The following PRR5L variants were observed in gnomAD, a reference collection of about 807,000 sequenced individuals.
PRR5L encodes the protein proline-rich protein 5-like.
Under a neutral mutation model 36.4 loss-of-function variants are expected in PRR5L, and 21 were observed. The observed-to-expected ratio is 0.58, with a 90% CI of 0.41 to 0.83. PRR5L has a LOEUF of 0.83. Among genes scored for constraint, PRR5L ranks in the 40% least tolerant of loss-of-function variants. The pLI, the probability that PRR5L is intolerant of heterozygous loss-of-function variation, is 0.00. For missense variants in PRR5L, 381 were observed against 473.3 expected (o/e 0.80, Z 1.81); for synonymous variants, 188 against 197.0 (o/e 0.95, Z 0.38).
At chr11:36,440,308 G>A (rs1204825353) in intron 6 of PRR5L, among the ~76,000 whole-genome samples, 1 of 152,120 alleles carries the variant, frequency 6.6e-6, no homozygotes. Context: ...AAATGGTTGT[G>A]GCATGTTGCT....
intron 1 of PRR5L, among the ~76,000 whole-genome samples, chr11:36,315,166 T>C (rs942661082): frequency 6.6e-6 from 1 of 152,168 alleles, no homozygotes; most frequent in African/African-American, 2.4e-5. Flanking sequence ...CACTACACAT[T>C]AGTCTCCTCC....
intron 5 of PRR5L, among the ~76,000 whole-genome samples, chr11:36,432,163 GTT>G (rs1043073490): frequency 8.8e-4 from 7 of 7,952 alleles, no homozygotes; most frequent in African/African-American, 1.5e-3. Flanking sequence ...GTTTTTTTTT[GTT>G]TTGTTTTTGT....
At chr11:36,398,659 A>T (rs2133554217) in intron 1 of PRR5L, 1 of 152,388 alleles carries the variant, frequency 6.6e-6, no homozygotes, top group Admixed American at 6.5e-5. Context: ...TAGGCTGAAA[A>T]TGACCCTTAT....
chr11:36,435,605 A>G (rs1358726301), intron 5 of PRR5L, among the ~76,000 whole-genome samples: 3 of 152,204 alleles, frequency 2.0e-5, no homozygotes, highest in Admixed American at 6.5e-5. Flanking sequence ...TGACTGAAAG[A>G]GGGATGATTA....
intron 6 of PRR5L, among the ~76,000 whole-genome samples, chr11:36,439,785 T>C (rs937748766): frequency 2.6e-5 from 4 of 152,220 alleles, no homozygotes; most frequent in African/African-American, 9.6e-5. Flanking sequence ...TATAGTTTTA[T>C]AGGACTGTAT....
chr11:36,391,105 G>T (rs4077044), intron 1 of PRR5L, among the ~76,000 whole-genome samples: 80,179 of 151,976 alleles, frequency 0.53, 21,569 homozygotes, highest in Non-Finnish European at 0.58. Context: ...TTCCAGGCAG[G>T]CACATCAGAT....
Position 36,418,800 on chromosome 11 carries a change from A to AAAT in PRR5L, c.246-443_246-441dup, listed in dbSNP as rs1858202939. Reference sequence around the variant, plus strand: ...GACAGAGCGAGACTCTGTCTCAAAAAAATAATAATAATAAATAATTACTCC... The same window carrying AAAT: ...GACAGAGCGAGACTCTGTCTCAAAAAAATAATAATAATAATAAATAATTACTCC... On this transcript the variant is annotated intron_variant, in intron 3 of 8. Coordinates refer to ENST00000530639, the MANE Select transcript of PRR5L (RefSeq NM_001160167.2). 2.6e-5 allele frequency among the ~76,000 whole-genome samples: 4 copies of AAAT among 152,210 alleles called. No homozygotes were observed. The South Asian group carries it at 8.3e-4, about 32-fold the overall frequency.
At chr11:36,431,965 T>C in intron 5 of PRR5L, 55 bp downstream of exon 5, 1 of 1,475,854 alleles carries the variant, frequency 6.8e-7, no homozygotes, top group Non-Finnish European at 9.5e-7. Context: ...GTCTTTGATG[T>C]CTGGACGGCT....
chr11:36,433,294 T>C (rs1033127610), intron 5 of PRR5L, among the ~76,000 whole-genome samples: 3 of 152,162 alleles, frequency 2.0e-5, no homozygotes, highest in African/African-American at 7.2e-5. Context: ...GCCACCATCT[T>C]ATTTTTTGTT....
At chr11:36,458,905 A>T (rs1451586668) in intron 8 of PRR5L, among the ~76,000 whole-genome samples, 2 of 152,176 alleles carry the variant, frequency 1.3e-5, no homozygotes, top group African/African-American at 4.8e-5. Context: ...GGCAGAGGGA[A>T]CACCTTTCTC....
chr11:36,342,401 A>C (rs7110164), intron 1 of PRR5L, among the ~76,000 whole-genome samples: 1,840 of 152,240 alleles, frequency 0.012, 39 homozygotes, highest in African/African-American at 0.042. Context: ...ATCCCTAGGG[A>C]AGCCTAGGGT....
intron 1 of PRR5L, among the ~76,000 whole-genome samples, chr11:36,328,529 G>T (rs1856687872): frequency 6.6e-6 from 1 of 152,182 alleles, no homozygotes; most frequent in Non-Finnish European, 1.5e-5. Context: ...ATGATTGAAA[G>T]GTTCCTGAGG....
At position 36,403,379 on chromosome 11, in the gene PRR5L, G is replaced by T; in HGVS notation, c.245+1G>T. Reference sequence around the variant, plus strand: ...TCTATGCCCTGAACGAAAACATCAGGTATGTGGCAGGCCAGACTTGGTGCC... The same window carrying T: ...TCTATGCCCTGAACGAAAACATCAGTTATGTGGCAGGCCAGACTTGGTGCC... On this transcript the variant is annotated splice_donor_variant, in intron 3 of 8. Transcript: ENST00000530639. LOFTEE classifies it high-confidence loss of function. 2 of 1,613,468 alleles carry T rather than the reference G, an allele frequency of 1.2e-6. No individual in the cohort carries two copies. Among genetic ancestry groups the T allele is most frequent in the South Asian group, 2.2e-5 (2 of 91,048 alleles).
intron 1 of PRR5L, among the ~76,000 whole-genome samples, chr11:36,333,926 C>T (rs1856743739): frequency 1.3e-5 from 2 of 152,166 alleles, no homozygotes; most frequent in Non-Finnish European, 1.5e-5. Flanking sequence ...GTAAAAGGAG[C>T]TGTCCAAGGC....
At position 36,463,319 on chromosome 11, in the gene PRR5L, C is replaced by T. The variant is rs529076268; in HGVS notation, c.*583C>T. On this transcript the variant is annotated 3_prime_UTR_variant, in exon 9 of 9. Coordinates refer to ENST00000530639, the MANE Select transcript of PRR5L (RefSeq NM_001160167.2). ...CAGAATTGCTGGGAAAGTTACCCCA[C>T]TGGTGGGTGAGGATCTATCCTCAAC... 1.3e-5 allele frequency: 2 copies of T among 152,428 alleles called. No individual in the cohort carries two copies. The highest frequency in any genetic ancestry group is 1.9e-4 in the East Asian group (1 of 5,176). The allele number at this position is 152,428 out of a possible 1,614,324, so 9.4% of individuals were successfully genotyped here.
At chr11:36,353,122 G>C (rs1473590828) in intron 1 of PRR5L, among the ~76,000 whole-genome samples, 1 of 152,092 alleles carries the variant, frequency 6.6e-6, no homozygotes, top group African/African-American at 2.4e-5. Context: ...CACATTGTAG[G>C]ATGTTTAGCA....
chr11:36,396,475 G>GTA (rs1465943357), intron 1 of PRR5L, among the ~76,000 whole-genome samples: 2 of 152,274 alleles, frequency 1.3e-5, no homozygotes, highest in African/African-American at 2.4e-5. Flanking sequence ...CCTCAGTGGA[G>GTA]TATTTCCAGA....
Position 36,401,247 on chromosome 11 carries a change from G to A in PRR5L, c.126G>A (p.Arg42=). ...LSDLPRFQAA[R]QALQLSSSSA... is the part of the protein sequence containing the mutation. The stretch of plus-strand genomic sequence containing the variant: ...ACCTTCCCCGATTCCAAGCAGCTCG[G>A]CAGGCTCTGCAGCTGAGCTCCAGCT... Residue 42 remains arginine, a synonymous_variant, in exon 2 of 9, where the codon CGG becomes CGA. Transcript: ENST00000530639. 6.2e-7 allele frequency: 1 copy of A among 1,612,986 alleles called. No individual in the cohort carries two copies. Among genetic ancestry groups the A allele is most frequent in the Non-Finnish European group, 8.5e-7 (1 of 1,179,960 alleles).
At chr11:36,448,924 C>T (rs1172991458) in intron 7 of PRR5L, among the ~76,000 whole-genome samples, 1 of 152,224 alleles carries the variant, frequency 6.6e-6, no homozygotes, top group African/African-American at 2.4e-5. Context: ...ATCTTCCTAC[C>T]TCCACTTAGC....
Sources: gnomAD v4.1 joint callset for allele counts (sites outside exome capture counted in the v4.1 genomes callset) on GRCh38, gnomAD v4.1.1 for gene constraint, MANE v1.5 for transcripts, NCBI Gene and HGNC (gene_info 2026-07-23, HGNC 2026-07-21) for gene names.